The following FAM53B variants were observed in gnomAD, a reference collection of about 807,000 sequenced individuals.
FAM53B encodes protein FAM53B.
FAM53B carries 12 observed loss-of-function variants against 32.7 expected under a neutral mutation model. The ratio of observed to expected loss-of-function variants is 0.37; its 90% CI spans 0.24 to 0.59. The LOEUF is 0.59. Ranked by LOEUF, FAM53B falls within the 20% of genes least tolerant of loss-of-function variation. FAM53B has a pLI of 0.72. For synonymous variants in FAM53B, 234 were observed against 228.7 expected (o/e 1.02, Z -0.21); for missense variants, 477 against 577.7 (o/e 0.83, Z 1.79).
intron 4 of FAM53B, among the ~76,000 whole-genome samples, chr10:124,657,082 G>A (rs12570949): frequency 4.9e-5 from 6 of 121,624 alleles, no homozygotes; most frequent in Non-Finnish European, 1.0e-4. Context: ...GTATATATAT[G>A]TGTGTGTATA....
chr10:124,736,914 C>A (rs1589769178), intron 1 of FAM53B, among the ~76,000 whole-genome samples: 1 of 152,382 alleles, frequency 6.6e-6, no homozygotes, highest in East Asian at 1.9e-4. Context: ...TGTCTTACAG[C>A]AGGAACTCTC....
chr10:124,696,016 T>C lies in FAM53B; in HGVS notation c.133+142A>G, dbSNP rs1589753672. The stretch of plus-strand genomic sequence containing the variant: ...ACTCAGGCACCGTAGGGGACCAAAA[T>C]AGTTAAAACACACAGAAGAGTCCCG... On this transcript the variant is annotated intron_variant, in intron 3 of 4. Transcript: ENST00000337318. The C allele has an allele frequency of 3.4e-5, 24 of 696,582 alleles. No homozygotes were observed. In the East Asian group the frequency reaches 5.5e-4, roughly 16 times the overall value. 43.2% of individuals were successfully genotyped at this position (696,582 alleles called of 1,614,324 possible).
chr10:124,642,503 G>A (rs372573396), intron 4 of FAM53B, among the ~76,000 whole-genome samples: 11 of 152,350 alleles, frequency 7.2e-5, no homozygotes, highest in Middle Eastern at 3.4e-3. Flanking sequence ...GAAGCTGCCC[G>A]GTGGCCCAAC....
rs1949314011 is a variant in FAM53B at position 124,622,038 on chromosome 10, A to C, written c.*1204T>G. ...TAGGCTCCTCGGATGCCCCAGGGTG[A>C]GGAGCCAGGGTGGGGTAGGGGCAGG... On this transcript the variant is annotated 3_prime_UTR_variant, in exon 5 of 5. Transcript: ENST00000337318. 1 of 152,378 alleles carries C rather than the reference A, an allele frequency of 6.6e-6. No homozygotes were observed. The highest frequency in any genetic ancestry group is 2.1e-4 in the South Asian group (1 of 4,830). 9.4% of individuals were successfully genotyped at this position (152,378 alleles called of 1,614,324 possible).
chr10:124,732,409 G>C (rs1950149578), intron 1 of FAM53B, among the ~76,000 whole-genome samples: 1 of 152,212 alleles, frequency 6.6e-6, no homozygotes, highest in Admixed American at 6.5e-5. Flanking sequence ...GAAGCTGGCA[G>C]ACCCAGGGAG....
At chr10:124,669,588 G>A (rs775419526) in intron 4 of FAM53B, among the ~76,000 whole-genome samples, 55 of 152,324 alleles carry the variant, frequency 3.6e-4, no homozygotes, top group Admixed American at 7.8e-4. Context: ...AAGGCTGGGA[G>A]CAGCCCCACG....
intron 4 of FAM53B, among the ~76,000 whole-genome samples, chr10:124,678,777 C>T (rs1303599827): frequency 1.3e-5 from 2 of 152,206 alleles, no homozygotes; most frequent in South Asian, 2.1e-4. Flanking sequence ...CTTACTCTCT[C>T]GGGTTCTCTC....
intron 4 of FAM53B, among the ~76,000 whole-genome samples, chr10:124,674,381 C>T (rs761231334): frequency 6.6e-5 from 10 of 152,308 alleles, no homozygotes; most frequent in Admixed American, 4.6e-4. Flanking sequence ...AAGCTCCAAG[C>T]GCTTCATACA....
At chr10:124,732,002 T>C (rs77957042) in intron 1 of FAM53B, among the ~76,000 whole-genome samples, 7,811 of 152,220 alleles carry the variant, frequency 0.051, 651 homozygotes, top group African/African-American at 0.18. Flanking sequence ...TCCTCCTCCA[T>C]GTCTGCCAGG....
intron 4 of FAM53B, among the ~76,000 whole-genome samples, chr10:124,659,816 T>C (rs1403737824): frequency 6.6e-6 from 1 of 152,262 alleles, no homozygotes; most frequent in Admixed American, 6.5e-5. Flanking sequence ...GCTTTTGTTT[T>C]GTTTTTTGAG....
At chr10:124,693,115 A>G (rs558573401) in intron 3 of FAM53B, among the ~76,000 whole-genome samples, 192 of 152,284 alleles carry the variant, frequency 1.3e-3, no homozygotes, top group Middle Eastern at 3.4e-3. Context: ...CCAGCGCTGG[A>G]AGGGCCCAAA....
intron 4 of FAM53B, among the ~76,000 whole-genome samples, chr10:124,646,409 C>T (rs961887921): frequency 3.9e-5 from 6 of 152,206 alleles, no homozygotes; most frequent in Non-Finnish European, 5.9e-5. Context: ...GGAGGAGAAA[C>T]GTGCCATTCT....
In FAM53B at chr10:124,687,682, C is replaced by T. The variant is rs1330026999; in HGVS notation, c.134-5303G>A. 2.0e-5 allele frequency among the ~76,000 whole-genome samples: 3 copies of T among 152,162 alleles called. No homozygotes were observed. In the East Asian group the frequency reaches 5.8e-4, roughly 29 times the overall value. On this transcript the variant is annotated intron_variant, in intron 3 of 4. Coordinates refer to ENST00000337318, the MANE Select transcript of FAM53B (RefSeq NM_014661.4). ...CTTCTGGGCCACCTACAGGAGCATC[C>T]TTTGGGGGTGTTTGTTAAAATGCAG...
chr10:124,686,117 C>G (rs184856331), intron 3 of FAM53B, among the ~76,000 whole-genome samples: 1 of 152,208 alleles, frequency 6.6e-6, no homozygotes, highest in Non-Finnish European at 1.5e-5. Context: ...CTCCCCCCAG[C>G]TTTGTGTAGA....
intron 2 of FAM53B, among the ~76,000 whole-genome samples, chr10:124,697,557 G>C (rs78766833): frequency 0.062 from 9,375 of 152,174 alleles, 932 homozygotes; most frequent in African/African-American, 0.21. Context: ...AAGGGTCCAT[G>C]CTGACCAACC....
At chr10:124,640,423 A>G (rs1300496117) in intron 4 of FAM53B, among the ~76,000 whole-genome samples, 1 of 152,236 alleles carries the variant, frequency 6.6e-6, no homozygotes, top group Non-Finnish European at 1.5e-5. Context: ...TGGCCCCTGA[A>G]GAATGTGCAG....
chr10:124,692,575 C>T (rs1949840630), intron 3 of FAM53B, among the ~76,000 whole-genome samples: 1 of 151,800 alleles, frequency 6.6e-6, no homozygotes, highest in African/African-American at 2.4e-5. Context: ...ATTAGCCGGG[C>T]ATGGTGGCAG....
chr10:124,675,998 G>A (rs1949734374), intron 4 of FAM53B, among the ~76,000 whole-genome samples: 2 of 152,210 alleles, frequency 1.3e-5, no homozygotes, highest in Admixed American at 6.5e-5. Flanking sequence ...AAAGGCTGCC[G>A]TGATTGATTA....
chr10:124,709,307 C>T (rs911782266), intron 1 of FAM53B, among the ~76,000 whole-genome samples: 2 of 152,228 alleles, frequency 1.3e-5, no homozygotes, highest in African/African-American at 2.4e-5. Flanking sequence ...CCAGACACAG[C>T]TCTGCATGAA....
Sources: allele counts gnomAD v4.1 joint callset (sites outside exome capture counted in the v4.1 genomes callset), GRCh38; gene constraint gnomAD v4.1.1; transcripts MANE v1.5; gene names NCBI Gene and HGNC (gene_info 2026-07-23, HGNC 2026-07-21).